TENM3: variants seen among roughly 807,000 people sequenced by gnomAD.
The protein encoded by TENM3 is teneurin transmembrane protein 3, also known as teneurin-3.
A neutral mutation model predicts 255.1 loss-of-function variants in TENM3; 63 were observed. The observed-to-expected ratio is 0.25, with a 90% CI of 0.20 to 0.30. The LOEUF is 0.30. Among genes scored for constraint, TENM3 ranks in the 10% least tolerant of loss-of-function variants. TENM3 has a pLI of 1.00. For missense variants in TENM3, 2,929 were observed against 3,461.1 expected (o/e 0.85, Z 3.86); for synonymous variants, 1,306 against 1,322.3 (o/e 0.99, Z 0.27).
chr4:182,599,183 C>G (rs569220225), intron 3 of TENM3, among the ~76,000 whole-genome samples: 1 of 152,290 alleles, frequency 6.6e-6, no homozygotes, highest in African/African-American at 2.4e-5. Flanking sequence ...TACACTGATG[C>G]TCTAATAAAT....
chr4:182,798,298 G>A (rs578008557), intron 27 of TENM3, among the ~76,000 whole-genome samples: 9 of 152,290 alleles, frequency 5.9e-5, no homozygotes, highest in African/African-American at 1.7e-4. Flanking sequence ...ATGAGCCACC[G>A]GGCTCTGCCA....
intron 22 of TENM3, among the ~76,000 whole-genome samples, chr4:182,764,152 G>GAT (rs1179965094): frequency 6.6e-6 from 1 of 152,228 alleles, no homozygotes; most frequent in Non-Finnish European, 1.5e-5. Flanking sequence ...AAGGCAAACA[G>GAT]ATTGACAAAT....
intron 3 of TENM3, chr4:182,449,200 T>TGGCGGTGGTGGCGGCGGC (rs1773230802): frequency 5.4e-5 from 2 of 37,144 alleles, no homozygotes; most frequent in Non-Finnish European, 9.3e-5. Context: ...GCGGTGGCGG[T>TGGCGGTGGTGGCGGCGGC]GGCGGTGGTG....
intron 4 of TENM3, among the ~76,000 whole-genome samples, chr4:182,609,656 A>G (rs1186104560): frequency 1.3e-5 from 2 of 152,210 alleles, no homozygotes; most frequent in Non-Finnish European, 2.9e-5. Context: ...TAATATTGCT[A>G]CCGTCTGGTC....
chr4:182,007,041 A>G, the TENM3 span, among the ~76,000 whole-genome samples: 1 of 152,080 alleles, frequency 6.6e-6, no homozygotes, highest in African/African-American at 2.4e-5. Flanking sequence ...TGTGGTTTTG[A>G]GTGAGTTTCT....
chr4:182,454,122 A>G (rs2151338592), intron 3 of TENM3, among the ~76,000 whole-genome samples: 1 of 152,296 alleles, frequency 6.6e-6, no homozygotes, highest in Middle Eastern at 3.4e-3. Flanking sequence ...TAAATGCATT[A>G]TCATCTTATT....
At chr4:182,002,169 G>T in the TENM3 span, among the ~76,000 whole-genome samples, 1 of 152,112 alleles carries the variant, frequency 6.6e-6, no homozygotes, top group African/African-American at 2.4e-5. Flanking sequence ...ATCTCTGCCA[G>T]AAGGAAACTC....
chr4:181,627,937 G>C, the TENM3 span, among the ~76,000 whole-genome samples: 2 of 152,178 alleles, frequency 1.3e-5, no homozygotes, highest in African/African-American at 2.4e-5. Flanking sequence ...GGTTGAACTA[G>C]TTTACAGTCC....
the TENM3 span, among the ~76,000 whole-genome samples, chr4:182,099,174 G>A: frequency 6.6e-6 from 1 of 151,860 alleles, no homozygotes; most frequent in African/African-American, 2.4e-5. Flanking sequence ...GTGCTGCCCA[G>A]GCTGGTCTCA....
chr4:181,826,962 G>A, the TENM3 span, among the ~76,000 whole-genome samples: 1 of 152,170 alleles, frequency 6.6e-6, no homozygotes, highest in Admixed American at 6.5e-5. Flanking sequence ...GTGTGGTGTT[G>A]CAGAAATGGC....
At chr4:182,014,883 G>A in the TENM3 span, among the ~76,000 whole-genome samples, 3 of 152,072 alleles carry the variant, frequency 2.0e-5, no homozygotes, top group Non-Finnish European at 2.9e-5. Context: ...TTAGCAAAAT[G>A]TTTAACTAAT....
the TENM3 span, among the ~76,000 whole-genome samples, chr4:181,476,205 G>GTTTTTTTT: frequency 0.013 from 1,284 of 97,816 alleles, 32 homozygotes; most frequent in African/African-American, 0.035. Flanking sequence ...ACATTTTAGG[G>GTTTTTTTT]GTTTTTTTTT....
intron 3 of TENM3, among the ~76,000 whole-genome samples, chr4:182,434,644 CAAA>C (rs397878555): frequency 8.2e-6 from 1 of 121,828 alleles, no homozygotes; most frequent in Non-Finnish European, 1.7e-5. Context: ...GCCTGGGAGA[CAAA>C]AAAAAAAAAA....
chr4:182,276,223 A>G (rs1431616441), intron 1 of TENM3, among the ~76,000 whole-genome samples: 1 of 152,224 alleles, frequency 6.6e-6, no homozygotes, highest in Admixed American at 6.5e-5. Flanking sequence ...ATCATTTTCC[A>G]CATAAGCACA....
At chr4:181,641,545 G>GGTAT in the TENM3 span, among the ~76,000 whole-genome samples, 2,991 of 23,664 alleles carry the variant, frequency 0.13, 338 homozygotes, top group Middle Eastern at 0.38. Flanking sequence ...AGTATTCCAT[G>GGTAT]GTGTGTGTGT....
chr4:182,253,927 G>C (rs1014005126), intron 1 of TENM3, among the ~76,000 whole-genome samples: 1 of 151,936 alleles, frequency 6.6e-6, no homozygotes, highest in Admixed American at 6.6e-5. Context: ...TCAAAATAAC[G>C]ATACACTTGA....
At chr4:181,641,826 A>ACAC in the TENM3 span, among the ~76,000 whole-genome samples, 1 of 121,416 alleles carries the variant, frequency 8.2e-6, no homozygotes, top group Non-Finnish European at 1.7e-5. Flanking sequence ...ATATATATAT[A>ACAC]TATATATATA....
At chr4:182,711,341 A>G (rs1416758300) in intron 12 of TENM3, among the ~76,000 whole-genome samples, 1 of 152,182 alleles carries the variant, frequency 6.6e-6, no homozygotes, top group Non-Finnish European at 1.5e-5. Context: ...TGTGAAAAGT[A>G]GTGTTAGTTC....
Position 182,244,277 on chromosome 4 carries a change from T to C in TENM3, c.-76+801T>C, listed in dbSNP as rs562392692. 5.9e-5 allele frequency among the ~76,000 whole-genome samples: 9 copies of C among 152,270 alleles called. No homozygotes were observed. The South Asian group carries it at 1.9e-3, about 32-fold the overall frequency. ...CTCATTTGTGTTTTCTATTAAAACA[T>C]ATAACCCAGGGTATTAGACCACCAT... On this transcript the variant is annotated intron_variant, in intron 1 of 27. Coordinates refer to ENST00000511685, the MANE Select transcript of TENM3 (RefSeq NM_001080477.4).
Sources: allele counts gnomAD v4.1 joint callset (sites outside exome capture counted in the v4.1 genomes callset), GRCh38; gene constraint gnomAD v4.1.1; transcripts MANE v1.5; gene names NCBI Gene and HGNC (gene_info 2026-07-23, HGNC 2026-07-21).